The following NUSAP1 variants were observed in gnomAD, a reference collection of about 807,000 sequenced individuals.
NUSAP1 encodes nucleolar and spindle-associated protein 1.
Under a neutral mutation model 52.8 loss-of-function variants are expected in NUSAP1, and 32 were observed. The observed-to-expected ratio is 0.61, with a 90% CI of 0.46 to 0.81. NUSAP1 has a LOEUF of 0.81. Among genes scored for constraint, NUSAP1 ranks in the 40% least tolerant of loss-of-function variants. The pLI, the probability that NUSAP1 is intolerant of heterozygous loss-of-function variation, is 0.00. For missense variants in NUSAP1, 499 were observed against 522.3 expected (o/e 0.96, Z 0.43); for synonymous variants, 195 against 183.1 (o/e 1.06, Z -0.52).
intron 1 of NUSAP1, among the ~76,000 whole-genome samples, chr15:41,336,958 C>T (rs1417439892): frequency 6.7e-6 from 1 of 148,980 alleles, no homozygotes; most frequent in Non-Finnish European, 1.5e-5. Context: ...ACTGCCTTAT[C>T]GTTCAACCAC....
At chr15:41,337,457 G>C (rs759687711) in intron 1 of NUSAP1, among the ~76,000 whole-genome samples, 1 of 152,054 alleles carries the variant, frequency 6.6e-6, no homozygotes, top group Non-Finnish European at 1.5e-5. Context: ...TACAATTAGA[G>C]CCTCTCTCCT....
At chr15:41,377,966 G>A (rs1220849918) in intron 10 of NUSAP1, among the ~76,000 whole-genome samples, 1 of 151,944 alleles carries the variant, frequency 6.6e-6, no homozygotes, top group Non-Finnish European at 1.5e-5. Flanking sequence ...CTCCAGCCTG[G>A]GCGACAGAGT....
At chr15:41,338,639 C>T (rs56140669) in intron 1 of NUSAP1, among the ~76,000 whole-genome samples, 2,274 of 152,080 alleles carry the variant, frequency 0.015, 67 homozygotes, top group African/African-American at 0.053. Flanking sequence ...ATATTTGAAA[C>T]TTAGGGAAAA....
chr15:41,377,511 A>T (rs2049995136), intron 10 of NUSAP1, among the ~76,000 whole-genome samples: 1 of 150,940 alleles, frequency 6.6e-6, no homozygotes, highest in African/African-American at 2.4e-5. Context: ...CATCCTGGCT[A>T]ACACGGTGAA....
rs2049979851 is a variant in NUSAP1 at position 41,377,259 on chromosome 15, T to C, written c.1187T>C (p.Ile396Thr). 2 of 1,540,306 alleles carry C rather than the reference T, an allele frequency of 1.3e-6. No homozygotes were observed. The highest frequency in any genetic ancestry group is 1.7e-4 in the Middle Eastern group (1 of 5,940). The part of the protein sequence containing the change: ...NNYLNQHVNR[I>T]NFYKKTYKQP... ...TATCTAAATCAACATGTCAACAGAA[T>C]TAACTTCTACAAGAAAACTTACAAA... Residue 396 changes from isoleucine to threonine, a missense_variant, in exon 10 of 11, where the codon ATT becomes ACT. Coordinates refer to ENST00000559596, the MANE Select transcript of NUSAP1 (RefSeq NM_016359.5).
chr15:41,377,874 G>GACATA (rs2050025861), intron 10 of NUSAP1, among the ~76,000 whole-genome samples: 1 of 151,134 alleles, frequency 6.6e-6, no homozygotes, highest in Admixed American at 6.6e-5. Flanking sequence ...GGTGGCGGGC[G>GACATA]CCTGTAGTCC....
intron 6 of NUSAP1, among the ~76,000 whole-genome samples, chr15:41,362,314 A>G (rs2049207302): frequency 6.6e-6 from 1 of 151,566 alleles, no homozygotes. Context: ...TCTATATTTT[A>G]TAATTGGCTA....
intron 1 of NUSAP1, among the ~76,000 whole-genome samples, chr15:41,336,656 T>TTTTTTGTTTG (rs1567036573): frequency 3.1e-4 from 34 of 110,456 alleles, no homozygotes; most frequent in Non-Finnish European, 4.2e-4. Flanking sequence ...TGGTTTTTTT[T>TTTTTTGTTTG]TTTTTTTTTT....
chr15:41,356,547 G>A (rs189610592), intron 5 of NUSAP1, among the ~76,000 whole-genome samples: 56 of 151,918 alleles, frequency 3.7e-4, no homozygotes, highest in Non-Finnish European at 5.9e-5. Context: ...AACAGATGGG[G>A]TTTCACCATG....
chr15:41,372,048 G>A (rs151044360), intron 8 of NUSAP1, among the ~76,000 whole-genome samples: 1,712 of 152,204 alleles, frequency 0.011, 38 homozygotes, highest in African/African-American at 0.04. Flanking sequence ...GATTACAAGC[G>A]TGAGCCACTG....
At chr15:41,354,128 T>G (rs909858174) in intron 4 of NUSAP1, among the ~76,000 whole-genome samples, 5 of 152,200 alleles carry the variant, frequency 3.3e-5, no homozygotes, top group Admixed American at 1.3e-4. Context: ...GTAGTCCCAG[T>G]TACTCAGGAG....
At chr15:41,353,361 C>T (rs1472170364) in intron 4 of NUSAP1, among the ~76,000 whole-genome samples, 1 of 152,106 alleles carries the variant, frequency 6.6e-6, no homozygotes, top group Non-Finnish European at 1.5e-5. Context: ...AGACTGGTCT[C>T]GAACTCCTAA....
chr15:41,356,597 C>T (rs2048982450), intron 5 of NUSAP1, among the ~76,000 whole-genome samples: 1 of 152,098 alleles, frequency 6.6e-6, no homozygotes. Context: ...TCATGATCCG[C>T]CTGCCTCGGC....
rs11311592 is a variant in NUSAP1, at chr15:41,355,656, G to GT, written c.449-372dup. On this transcript the variant is annotated intron_variant, in intron 4 of 10. Transcript: ENST00000559596. ...GAAAATACTCTGTTAACTTACACAC[G>GT]TTTTTTTTTTTGTTTTTGTTTTTGT... is the stretch of plus-strand genomic sequence containing the variant. Among the ~76,000 whole-genome samples the GT allele has an allele frequency of 3.4e-3, 506 of 147,448 alleles. 1 individual carries two copies. The highest frequency in any genetic ancestry group is 5.2e-3 in the Non-Finnish European group (343 of 66,566).
chr15:41,353,280 A>G (rs1291550777), intron 4 of NUSAP1, among the ~76,000 whole-genome samples: 1 of 152,060 alleles, frequency 6.6e-6, no homozygotes, highest in Non-Finnish European at 1.5e-5. Context: ...CCTCCCAAGT[A>G]GCTGGGATTA....
intron 6 of NUSAP1, among the ~76,000 whole-genome samples, chr15:41,360,480 C>T (rs2049129973): frequency 6.6e-6 from 1 of 152,088 alleles, no homozygotes. Context: ...CCACGCCTGG[C>T]TAATTTTTTG....
chr15:41,345,107 C>G lies in NUSAP1; in HGVS notation c.162+2653C>G, dbSNP rs1199413528. Among the ~76,000 whole-genome samples the G allele has an allele frequency of 2.0e-5, 3 of 152,130 alleles. No homozygotes were observed. In the East Asian group the frequency reaches 5.8e-4, roughly 29 times the overall value. ...CTGGACCCCCCAGGCTCAAGTGATCCTCTTGCCTCACTCCCCTGAGTAGCT... is the reference window on the plus strand; with the variant it reads ...CTGGACCCCCCAGGCTCAAGTGATCGTCTTGCCTCACTCCCCTGAGTAGCT... On this transcript the variant is annotated intron_variant, in intron 2 of 10. Transcript: ENST00000559596.
At chr15:41,357,805 G>A (rs1270878317) in intron 5 of NUSAP1, among the ~76,000 whole-genome samples, 1 of 152,082 alleles carries the variant, frequency 6.6e-6, no homozygotes, top group African/African-American at 2.4e-5. Flanking sequence ...TTGACATACA[G>A]CATTATAAAA....
intron 7 of NUSAP1, 55 bp from the exon 8 acceptor site, chr15:41,371,472 A>G: frequency 6.9e-7 from 1 of 1,443,210 alleles, no homozygotes; most frequent in South Asian, 1.5e-5. Flanking sequence ...TATAAGCTAG[A>G]CACAAGTTAC....
Sources: gnomAD v4.1 joint callset for allele counts (sites outside exome capture counted in the v4.1 genomes callset) on GRCh38, gnomAD v4.1.1 for gene constraint, MANE v1.5 for transcripts, NCBI Gene and HGNC (gene_info 2026-07-23, HGNC 2026-07-21) for gene names.